ZBTB20: variants seen among roughly 807,000 people sequenced by gnomAD.
ZBTB20 encodes zinc finger and BTB domain containing 20, also known as zinc finger and BTB domain-containing protein 20.
ZBTB20 carries 9 observed loss-of-function variants against 56.9 expected under a neutral mutation model. That is an observed-to-expected ratio of 0.16 (90% CI 0.10 to 0.28). The LOEUF is 0.28. Ranked by LOEUF, ZBTB20 falls within the 10% of genes least tolerant of loss-of-function variation. The pLI, the probability that ZBTB20 is intolerant of heterozygous loss-of-function variation, is 1.00. For missense variants in ZBTB20, 655 were observed against 1,003.0 expected, an observed-to-expected ratio of 0.65 and a Z score of 4.69; for synonymous variants, 417 against 420.7, an observed-to-expected ratio of 0.99 and a Z score of 0.11.
chr3:114,410,300 G>C lies in ZBTB20; in HGVS notation c.-254-21195C>G, dbSNP rs557045948. ...TCTCCAATTATCATTTACTTAATTT[G>C]AAATTCTGGCCTTAATGGGGACAGA... is the stretch of plus-strand genomic sequence containing the variant. On this transcript the variant is annotated intron_variant, in intron 7 of 11. Transcript: ENST00000675478. Among the ~76,000 whole-genome samples the C allele has an allele frequency of 3.3e-5, 5 of 151,240 alleles. No individual in the cohort carries two copies. The South Asian group carries it at 1.1e-3, about 32-fold the overall frequency.
intron 2 of ZBTB20, among the ~76,000 whole-genome samples, chr3:114,990,070 T>C (rs1386148446): frequency 6.6e-6 from 1 of 152,186 alleles, no homozygotes; most frequent in Non-Finnish European, 1.5e-5. Context: ...TGACTTCCTC[T>C]TTTCCTAATT....
chr3:115,103,642 G>A (rs143359120), intron 1 of ZBTB20, among the ~76,000 whole-genome samples: 4 of 152,278 alleles, frequency 2.6e-5, no homozygotes, highest in East Asian at 1.9e-4. Flanking sequence ...ACGACTGGAC[G>A]TCTACATGCA....
chr3:114,518,532 G>A (rs2046286112), intron 6 of ZBTB20: 1 of 152,244 alleles, frequency 6.6e-6, no homozygotes, highest in Admixed American at 6.5e-5. Context: ...TGAAGCATTT[G>A]CTGTTATGCT....
chr3:114,485,977 T>G (rs1254669312), intron 7 of ZBTB20, among the ~76,000 whole-genome samples: 2 of 152,136 alleles, frequency 1.3e-5, no homozygotes, highest in Non-Finnish European at 2.9e-5. Context: ...ATTTGACATT[T>G]AAATGTAATC....
At chr3:114,613,239 TTGGAC>T (rs548815586) in intron 6 of ZBTB20, among the ~76,000 whole-genome samples, 1 of 152,206 alleles carries the variant, frequency 6.6e-6, no homozygotes, top group South Asian at 2.1e-4. Context: ...TTAAAAGAGT[TTGGAC>T]TGGAAGACTG....
At position 114,317,490 on chromosome 3, in the gene ZBTB20, A is replaced by C. The variant is rs2078732215; in HGVS notation, c.*21515T>G. ...AAAATCAGAGAAGTCTATGAAATAC[A>C]ATGTTCAGGAAATGCTCTGAAATCA... is the stretch of plus-strand genomic sequence containing the variant. On this transcript the variant is annotated 3_prime_UTR_variant, in exon 12 of 12. Coordinates refer to ENST00000675478, the MANE Select transcript of ZBTB20 (RefSeq NM_001348800.3). The C allele has an allele frequency of 6.6e-6, 1 of 152,104 alleles. No homozygotes were observed. Among genetic ancestry groups the C allele is most frequent in the Non-Finnish European group, 1.5e-5 (1 of 68,024 alleles). The allele number at this position is 152,104 out of a possible 1,614,324, so 9.4% of individuals were successfully genotyped here.
chr3:114,610,997 T>G (rs1172133772), intron 6 of ZBTB20, among the ~76,000 whole-genome samples: 2 of 152,186 alleles, frequency 1.3e-5, no homozygotes, highest in Non-Finnish European at 2.9e-5. Flanking sequence ...ACAGGATACA[T>G]GCTAGGCAAT....
At chr3:114,425,610 T>A (rs539668016) in intron 7 of ZBTB20, among the ~76,000 whole-genome samples, 1 of 152,188 alleles carries the variant, frequency 6.6e-6, no homozygotes, top group African/African-American at 2.4e-5. Flanking sequence ...AAATATGCTG[T>A]CCCTCAAAGA....
At chr3:114,750,308 T>A (rs2067462514) in intron 5 of ZBTB20, among the ~76,000 whole-genome samples, 1 of 152,182 alleles carries the variant, frequency 6.6e-6, no homozygotes, top group African/African-American at 2.4e-5. Flanking sequence ...GCCTGCAGGT[T>A]ACACTTTAAA....
intron 4 of ZBTB20, among the ~76,000 whole-genome samples, chr3:114,837,773 A>T (rs1396253730): frequency 6.6e-6 from 1 of 152,108 alleles, no homozygotes; most frequent in Non-Finnish European, 1.5e-5. Flanking sequence ...ATACTAAAGG[A>T]GAGGAAATTA....
intron 5 of ZBTB20, among the ~76,000 whole-genome samples, chr3:114,787,819 G>C (rs538468648): frequency 1.4e-4 from 22 of 152,098 alleles, no homozygotes; most frequent in Non-Finnish European, 8.8e-5. Flanking sequence ...CTACTAATAA[G>C]ATAATTTGGT....
intron 6 of ZBTB20, among the ~76,000 whole-genome samples, chr3:114,576,183 C>T (rs1430295792): frequency 6.6e-6 from 1 of 152,086 alleles, no homozygotes; most frequent in African/African-American, 2.4e-5. Flanking sequence ...CTCGACTACT[C>T]TGGACTGCTG....
intron 7 of ZBTB20, among the ~76,000 whole-genome samples, chr3:114,489,540 T>G (rs1244390237): frequency 6.6e-6 from 1 of 152,118 alleles, no homozygotes; most frequent in Non-Finnish European, 1.5e-5. Context: ...TGAATTAAAA[T>G]GGGATACAAC....
chr3:114,624,794 G>C (rs565607233), intron 6 of ZBTB20: 1 of 152,894 alleles, frequency 6.5e-6, no homozygotes, highest in Non-Finnish European at 1.5e-5. Context: ...CCCTAGCCAC[G>C]GCCATGATAG....
chr3:114,461,661 C>T (rs529299473), intron 7 of ZBTB20, among the ~76,000 whole-genome samples: 2 of 152,242 alleles, frequency 1.3e-5, no homozygotes, highest in South Asian at 4.1e-4. Context: ...CATTCAGTTA[C>T]CGCTTACATT....
At chr3:114,635,606 T>C (rs1272692114) in intron 6 of ZBTB20, among the ~76,000 whole-genome samples, 1 of 151,766 alleles carries the variant, frequency 6.6e-6, no homozygotes, top group Non-Finnish European at 1.5e-5. Flanking sequence ...ATAGAGACTA[T>C]TAAAAAGAAC....
At chr3:115,065,276 T>C (rs2108492528) in intron 2 of ZBTB20, among the ~76,000 whole-genome samples, 1 of 152,344 alleles carries the variant, frequency 6.6e-6, no homozygotes, top group Non-Finnish European at 1.5e-5. Context: ...TATCTTCTGC[T>C]ATCTCTCTGA....
chr3:114,770,104 G>C (rs1344122464), intron 5 of ZBTB20, among the ~76,000 whole-genome samples: 1 of 151,662 alleles, frequency 6.6e-6, no homozygotes, highest in African/African-American at 2.4e-5. Flanking sequence ...TTGGAGGAAA[G>C]AGTGGGAAAG....
intron 1 of ZBTB20, among the ~76,000 whole-genome samples, chr3:115,117,558 T>C (rs530165355): frequency 1.3e-5 from 2 of 152,116 alleles, no homozygotes; most frequent in African/African-American, 4.8e-5. Flanking sequence ...AAATATGTCA[T>C]CTGCTTCAAA....
Sources: allele counts gnomAD v4.1 joint callset (sites outside exome capture counted in the v4.1 genomes callset), GRCh38; gene constraint gnomAD v4.1.1; transcripts MANE v1.5; gene names NCBI Gene and HGNC (gene_info 2026-07-23, HGNC 2026-07-21).